TNFRSF10B: variants seen among roughly 807,000 people sequenced by gnomAD.
TNFRSF10B encodes tumor necrosis factor receptor superfamily member 10B.
In TNFRSF10B, 35 loss-of-function variants were observed where a neutral mutation model predicts 41.4. The ratio of observed to expected loss-of-function variants is 0.85; its 90% CI spans 0.65 to 1.12. The LOEUF (loss-of-function observed/expected upper bound fraction) is 1.12, where lower values mean the gene tolerates loss of function less well. TNFRSF10B is among the 50% of genes most tolerant of loss of function. The probability of loss-of-function intolerance (pLI) is 0.00; values close to 1 mark genes in which losing one functional copy is unlikely to be tolerated. For missense variants in TNFRSF10B, 584 were observed against 552.7 expected, an observed-to-expected ratio of 1.06 and a Z score of -0.57; for synonymous variants, 230 against 215.5, an observed-to-expected ratio of 1.07 and a Z score of -0.59.
chr8:23,033,820 A>C (rs183348641), intron 2 of TNFRSF10B, among the ~76,000 whole-genome samples: 30 of 152,026 alleles, frequency 2.0e-4, no homozygotes, highest in African/African-American at 7.2e-4. Context: ...GGAGAGAGAG[A>C]GCGAGCAAGC....
intron 2 of TNFRSF10B, among the ~76,000 whole-genome samples, chr8:23,042,314 G>A (rs1292987741): frequency 6.6e-6 from 1 of 152,208 alleles, no homozygotes; most frequent in Non-Finnish European, 1.5e-5. Flanking sequence ...GAAAAGAAAT[G>A]CAACTTTGTA....
intron 1 of TNFRSF10B, among the ~76,000 whole-genome samples, chr8:23,058,362 T>C (rs749115224): frequency 2.6e-5 from 4 of 152,260 alleles, no homozygotes; most frequent in Admixed American, 6.5e-5. Context: ...AGTGTAATTA[T>C]TACTATAGCC....
At chr8:23,023,102 C>T in intron 8 of TNFRSF10B, 118 bp from the exon 9 acceptor site, 1 of 1,317,630 alleles carries the variant, frequency 7.6e-7, no homozygotes, top group Middle Eastern at 2.5e-4. Flanking sequence ...TGCGGGCAAA[C>T]CTGCCGCTCC....
At chr8:23,063,599 C>T (rs1452977986) in intron 1 of TNFRSF10B, among the ~76,000 whole-genome samples, 2 of 152,130 alleles carry the variant, frequency 1.3e-5, no homozygotes, top group African/African-American at 2.4e-5. Context: ...TTACCAAACC[C>T]ATTGCATCAC....
At chr8:23,049,946 T>A (rs1334041087) in intron 1 of TNFRSF10B, 1 of 152,282 alleles carries the variant, frequency 6.6e-6, no homozygotes, top group East Asian at 1.9e-4. Context: ...TAGCTTGCGA[T>A]GAGACAGTCT....
chr8:23,066,289 G>T (rs1489594942), intron 1 of TNFRSF10B, among the ~76,000 whole-genome samples: 1 of 151,708 alleles, frequency 6.6e-6, no homozygotes, highest in Non-Finnish European at 1.5e-5. Flanking sequence ...TCTCAAAAAA[G>T]AAAAACACAA....
At chr8:23,042,999 A>C (rs902391756) in intron 2 of TNFRSF10B, 139 bp downstream of exon 2, 1 of 720,306 alleles carries the variant, frequency 1.4e-6, no homozygotes, top group African/African-American at 1.8e-5. Flanking sequence ...GGAAGGCTCC[A>C]GAAGGACAGA....
chr8:23,058,555 G>T lies in TNFRSF10B; in HGVS notation c.144+10196C>A, dbSNP rs375560977. Among the ~76,000 whole-genome samples, 193 of 150,526 alleles carry T rather than the reference G, an allele frequency of 1.3e-3. 4 individuals carry two copies. Among genetic ancestry groups the T allele is most frequent in the Admixed American group, 8.0e-3 (121 of 15,082 alleles). ...GGCTGGAGTGCCATGGCACAATCTC[G>T]GCTCACCACAACCTCTGCCTCCCAG... On this transcript the variant is annotated intron_variant, in intron 1 of 8. Coordinates refer to ENST00000276431, the MANE Select transcript of TNFRSF10B (RefSeq NM_003842.5).
In TNFRSF10B at chr8:23,020,497, G is replaced by T. The variant is rs555522591; in HGVS notation, c.*2174C>A. On this transcript the variant is annotated 3_prime_UTR_variant, in exon 9 of 9. Coordinates refer to ENST00000276431, the MANE Select transcript of TNFRSF10B (RefSeq NM_003842.5). The stretch of plus-strand genomic sequence containing the variant: ...ACCTGAGGTCAGGAGTTCGAGACCA[G>T]CCTGACCAACATGGTGAAACCCCGT... 2.4e-5 allele frequency: 11 copies of T among 452,838 alleles called. No homozygotes were observed. Among genetic ancestry groups the T allele is most frequent in the African/African-American group, 2.2e-4 (11 of 50,032 alleles). The allele number at this position is 452,838 out of a possible 1,614,324, so 28.1% of individuals were successfully genotyped here.
In TNFRSF10B at chr8:23,024,160, G is replaced by A. The variant is rs113525144; in HGVS notation, c.1009+28C>T. The A allele has an allele frequency of 2.5e-5, 40 of 1,613,788 alleles. No homozygotes were observed. The African/African-American group carries it at 3.5e-4, about 14-fold the overall frequency. ...CCCTGTCCCTATTCCCTCCATTCCT[G>A]CTGCATCTCCAGGAGCAAAACACTT... On this transcript the variant is annotated intron_variant, in intron 8 of 8. Coordinates refer to ENST00000276431, the MANE Select transcript of TNFRSF10B (RefSeq NM_003842.5).
chr8:23,065,023 C>G (rs994867688), intron 1 of TNFRSF10B, among the ~76,000 whole-genome samples: 1 of 152,200 alleles, frequency 6.6e-6, no homozygotes, highest in African/African-American at 2.4e-5. Flanking sequence ...GCCAGCACAG[C>G]CACTCTGGAG....
At chr8:23,041,317 G>C (rs148226089) in intron 2 of TNFRSF10B, among the ~76,000 whole-genome samples, 1 of 152,026 alleles carries the variant, frequency 6.6e-6, no homozygotes, top group African/African-American at 2.4e-5. Context: ...TTGGCCTCTC[G>C]AAGTGCTGGG....
At chr8:23,038,664 G>A (rs1172223206) in intron 2 of TNFRSF10B, among the ~76,000 whole-genome samples, 2 of 152,196 alleles carry the variant, frequency 1.3e-5, no homozygotes, top group Non-Finnish European at 2.9e-5. Context: ...TCCTCTTCTG[G>A]AGAAAGGGTT....
At chr8:23,034,937 T>C (rs7817787) in intron 2 of TNFRSF10B, among the ~76,000 whole-genome samples, 18,771 of 152,174 alleles carry the variant, frequency 0.12, 1,693 homozygotes, top group African/African-American at 0.25. Context: ...GTCCCAGATA[T>C]GGTTTCATTG....
In TNFRSF10B at chr8:23,028,414, G is replaced by C. The variant is rs564606277; in HGVS notation, c.665C>G (p.Ala222Gly). The C allele has an allele frequency of 6.2e-7, 1 of 1,614,180 alleles. No individual in the cohort carries two copies. Among genetic ancestry groups the C allele is most frequent in the Non-Finnish European group, 8.5e-7 (1 of 1,180,022 alleles). Reference sequence around the variant, plus strand: ...AAACACAGCCACAATCAAGACTACGGCTGCAACTGTGACTCCTATGATGAT... The same window carrying C: ...AAACACAGCCACAATCAAGACTACGCCTGCAACTGTGACTCCTATGATGAT... ...SGIIIGVTVA[A>G]VVLIVAVFVC... Residue 222 changes from alanine (A) to glycine (G), a missense_variant, in exon 5 of 9, where the codon GCC (alanine) becomes GGC (glycine). Transcript: ENST00000276431.
chr8:23,037,839 CA>C (rs1812067034), intron 2 of TNFRSF10B, among the ~76,000 whole-genome samples: 1 of 152,190 alleles, frequency 6.6e-6, no homozygotes, highest in African/African-American at 2.4e-5. Flanking sequence ...TGCTAGGATT[CA>C]TGTGTCCAGG....
At chr8:23,056,391 C>T (rs1482996977) in intron 1 of TNFRSF10B, among the ~76,000 whole-genome samples, 1 of 152,184 alleles carries the variant, frequency 6.6e-6, no homozygotes, top group Non-Finnish European at 1.5e-5. Context: ...GTGGCTCACG[C>T]CTGTAATCCC....
intron 6 of TNFRSF10B, chr8:23,027,520 A>T: frequency 1.3e-6 from 1 of 796,190 alleles, no homozygotes; most frequent in African/African-American, 1.7e-5. Flanking sequence ...TGAGGATGTC[A>T]CCTGGGCTGC....
rs1265860017 is a variant in TNFRSF10B at position 23,020,910 on chromosome 8, T to G, written c.*1761A>C. 1 of 453,946 alleles carries G rather than the reference T, an allele frequency of 2.2e-6. No homozygotes were observed. The highest frequency in any genetic ancestry group is 4.4e-6 in the Non-Finnish European group (1 of 226,768). 28.1% of individuals were successfully genotyped at this position (453,946 alleles called of 1,614,324 possible). ...TTCCAGAAGTGCAGGGGACAACGCG[T>G]GGGATGCCAGATGGAAGTGGGAGAG... On this transcript the variant is annotated 3_prime_UTR_variant, in exon 9 of 9. Transcript: ENST00000276431.
Sources: allele counts gnomAD v4.1 joint callset (sites outside exome capture counted in the v4.1 genomes callset), GRCh38; gene constraint gnomAD v4.1.1; transcripts MANE v1.5; gene names NCBI Gene and HGNC (gene_info 2026-07-23, HGNC 2026-07-21).